ABCC6: variants seen among roughly 807,000 people sequenced by gnomAD.
ABCC6 encodes the protein ATP binding cassette subfamily C member 6.
Under a neutral mutation model 169.5 loss-of-function variants are expected in ABCC6, and 126 were observed. That is an observed-to-expected ratio of 0.74 (90% confidence interval 0.64 to 0.86). The LOEUF (loss-of-function observed/expected upper bound fraction) is 0.86, where lower values mean the gene tolerates loss of function less well. Ranked by LOEUF, ABCC6 falls within the 40% of genes least tolerant of loss-of-function variation. The pLI, the probability that ABCC6 is intolerant of heterozygous loss-of-function variation, is 0.00. For synonymous variants in ABCC6, 752 were observed against 814.7 expected, an observed-to-expected ratio of 0.92 and a Z score of 1.31; for missense variants, 1,733 against 1,927.2, an observed-to-expected ratio of 0.90 and a Z score of 1.89.
intron 22 of ABCC6, 69 bp downstream of exon 22, chr16:16,169,577 G>A (rs532231269): frequency 1.9e-5 from 30 of 1,553,296 alleles, no homozygotes; most frequent in South Asian, 1.7e-4. Flanking sequence ...GAGGGGTGGG[G>A]TAAAGGAGTC....
At position 16,159,504 on chromosome 16, in the gene ABCC6, T is replaced by G; in HGVS notation, c.3713A>C (p.Asp1238Ala). 6.2e-7 allele frequency: 1 copy of G among 1,613,880 alleles called. No homozygotes were observed. Among genetic ancestry groups the G allele is most frequent in the Non-Finnish European group, 8.5e-7 (1 of 1,179,956 alleles). Residue 1238 changes from aspartate (D) to alanine (A), a missense_variant, in exon 26 of 31, where the codon GAC becomes GCC. By Grantham distance (126) the Asp-to-Ala change is moderately radical. Transcript: ENST00000205557. Reference protein sequence around the residue: ...NSIVSVERMQDYAWTPKEAPW... With the variant: ...NSIVSVERMQAYAWTPKEAPW... The stretch of plus-strand genomic sequence containing the variant: ...CACCTCCTTGGGCGTCCAGGCATAG[T>G]CCTGCATCCGCTCCACTGACACGAT...
chr16:16,185,159 A>G (rs2047610931), intron 14 of ABCC6, 125 bp from the exon 15 acceptor site: 6 of 901,968 alleles, frequency 6.7e-6, no homozygotes, highest in African/African-American at 3.3e-5. Flanking sequence ...AATCTCTCCC[A>G]CTGAACAAAT....
At position 16,154,878 on chromosome 16, in the gene ABCC6, G is replaced by A. The variant is rs63751112; in HGVS notation, c.4036C>T (p.Pro1346Ser). 1.9e-6 allele frequency: 3 copies of A among 1,612,648 alleles called. No homozygotes were observed. Among genetic ancestry groups the A allele is most frequent in the Non-Finnish European group, 2.5e-6 (3 of 1,179,526 alleles). Reference protein sequence around the residue: ...HTLRSRISIIPQDPILFPGSL... With the variant: ...HTLRSRISIISQDPILFPGSL... ...ACCCCCTCCACCAGCCTCACCTGGG[G>A]GATGATGCTGATCCTGGAGCGCAGT... Residue 1346 changes from proline to serine, a missense_variant, in exon 28 of 31, where the codon CCC (proline) becomes TCC (serine). This residue lies in a region of ABCC6 where 1,601 missense variants were observed against 1,635.5 expected (regional missense o/e 0.98). Coordinates refer to ENST00000205557, the MANE Select transcript of ABCC6 (RefSeq NM_001171.6).
At position 16,208,651 on chromosome 16, in the gene ABCC6, C is replaced by G. The variant is rs559758883; in HGVS notation, c.794+77G>C. The G allele has an allele frequency of 8.1e-6, 13 of 1,610,244 alleles. No individual in the cohort carries two copies. In the Admixed American group the frequency reaches 2.2e-4, roughly 27 times the overall value. On this transcript the variant is annotated intron_variant, in intron 7 of 30. Coordinates refer to ENST00000205557, the MANE Select transcript of ABCC6 (RefSeq NM_001171.6). ...CCTCCCAAAATGCCGGGATTACAGTCGTGAGCCACCGCACCCGGCCAATGA... is the reference window on the plus strand; with the variant it reads ...CCTCCCAAAATGCCGGGATTACAGTGGTGAGCCACCGCACCCGGCCAATGA...
In ABCC6 at chr16:16,182,945, G is replaced by C; in HGVS notation, c.1944-15C>G. Reference sequence around the variant, plus strand: ...TGAGGTTTATTCTGGACACGCAAGAGGGGAGACATGACCTTGGTTAGGGTT... The same window carrying C: ...TGAGGTTTATTCTGGACACGCAAGACGGGAGACATGACCTTGGTTAGGGTT... On this transcript the variant is annotated splice_polypyrimidine_tract_variant and intron_variant, in intron 15 of 30. Transcript: ENST00000205557. The C allele has an allele frequency of 6.2e-7, 1 of 1,614,184 alleles. No homozygotes were observed.
At chr16:16,200,384 G>A (rs1159093843) in intron 9 of ABCC6, among the ~76,000 whole-genome samples, 1 of 148,852 alleles carries the variant, frequency 6.7e-6, no homozygotes, top group Non-Finnish European at 1.5e-5. Flanking sequence ...AGCCGGGACT[G>A]TGCCACTGCA....
In ABCC6 at chr16:16,182,422, A is replaced by AACTCTGCACC. The variant is rs770020252; in HGVS notation, c.2236_2237insGGTGCAGAGT (p.Ile746ArgfsTer36). 3.1e-6 allele frequency: 5 copies of AACTCTGCACC among 1,613,716 alleles called. No homozygotes were observed. Among genetic ancestry groups the AACTCTGCACC allele is most frequent in the Non-Finnish European group, 3.4e-6 (4 of 1,180,008 alleles). On this transcript the variant is annotated frameshift_variant, in exon 17 of 31. Coordinates refer to ENST00000205557, the MANE Select transcript of ABCC6 (RefSeq NM_001171.6). LOFTEE classifies it high-confidence loss of function. ...CCCCCAAACTCTCACCTGCTCCCCA[A>AACTCTGCACC]TTGAAGTGTGGATTCCCTCAGGGAA...
intron 29 of ABCC6, among the ~76,000 whole-genome samples, chr16:16,154,297 G>A (rs2046471936): frequency 6.6e-6 from 1 of 152,102 alleles, no homozygotes; most frequent in Admixed American, 6.5e-5. Flanking sequence ...GTCCCAGTGA[G>A]TGGTGAGGTT....
intron 8 of ABCC6, among the ~76,000 whole-genome samples, chr16:16,202,938 T>C (rs1288768164): frequency 6.6e-6 from 1 of 152,102 alleles, no homozygotes; most frequent in African/African-American, 2.4e-5. Context: ...GTCTATTTCT[T>C]AGAACCCTCC....
intron 10 of ABCC6, among the ~76,000 whole-genome samples, chr16:16,194,803 G>T (rs1032631322): frequency 8.5e-5 from 13 of 152,092 alleles, no homozygotes; most frequent in Admixed American, 3.9e-4. Flanking sequence ...TCCTGTCTCA[G>T]CCTCCTGAGT....
intron 27 of ABCC6, chr16:16,155,811 A>C (rs1166748728): frequency 3.9e-5 from 6 of 152,432 alleles, no homozygotes; most frequent in Non-Finnish European, 7.3e-5. Context: ...CACCGGAAGT[A>C]TAGAAATTAA....
intron 9 of ABCC6, among the ~76,000 whole-genome samples, chr16:16,198,524 T>C (rs1016642796): frequency 6.6e-6 from 1 of 152,034 alleles, no homozygotes; most frequent in African/African-American, 2.4e-5. Context: ...CAGCCATGAA[T>C]GGTACCAAGC....
chr16:16,165,798 A>G lies in ABCC6; in HGVS notation c.3131T>C (p.Leu1044Pro), dbSNP rs1421144885. 1 of 1,613,730 alleles carries G rather than the reference A, an allele frequency of 6.2e-7. No homozygotes were observed. The change falls in exon 23 of 31, where the codon CTG becomes CCG. Residue 1044 changes from leucine to proline, a missense_variant. By Grantham distance (98) the Leu-to-Pro change is moderately conservative (BLOSUM62 -3). Transcript: ENST00000205557. The stretch of plus-strand genomic sequence containing the variant: ...TGTCTCCTTGGAGAAGCGGTTTAGC[A>G]GGTGACCAATGGGTGTCCGCTCAAA... ...SFFERTPIGH[L>P]LNRFSKETDT...
At chr16:16,178,032 A>G (rs564012766) in intron 18 of ABCC6, among the ~76,000 whole-genome samples, 6 of 149,216 alleles carry the variant, frequency 4.0e-5, no homozygotes, top group African/African-American at 9.9e-5. Flanking sequence ...AAGAAAGAAA[A>G]AAAAAATGTA....
intron 24 of ABCC6, 111 bp downstream of exon 24, chr16:16,162,882 C>A: frequency 7.1e-7 from 1 of 1,407,552 alleles, no homozygotes; most frequent in East Asian, 2.3e-5. Context: ...CTAGCCTCAA[C>A]TATGTCCCTG....
At chr16:16,165,512 C>T in intron 23 of ABCC6, 111 bp downstream of exon 23, 1 of 1,150,122 alleles carries the variant, frequency 8.7e-7, no homozygotes, top group Non-Finnish European at 1.3e-6. Flanking sequence ...CTAGGAACAG[C>T]CCCTAGATGT....
Position 16,154,876 on chromosome 16 carries a change from G to T in ABCC6, c.4038C>A (p.Pro1346=). ...CCACCCCCTCCACCAGCCTCACCTGGGGGATGATGCTGATCCTGGAGCGCA... is the reference window on the plus strand; with the variant it reads ...CCACCCCCTCCACCAGCCTCACCTGTGGGATGATGCTGATCCTGGAGCGCA... ...HTLRSRISII[P]QDPILFPGSL... Residue 1346 remains proline, a synonymous_variant, in exon 28 of 31, where the codon CCC becomes CCA. Coordinates refer to ENST00000205557, the MANE Select transcript of ABCC6 (RefSeq NM_001171.6). The T allele has an allele frequency of 6.2e-7, 1 of 1,612,740 alleles. No homozygotes were observed. The highest frequency in any genetic ancestry group is 8.5e-7 in the Non-Finnish European group (1 of 1,179,502).
At chr16:16,194,392 C>T (rs1050884394) in intron 10 of ABCC6, among the ~76,000 whole-genome samples, 1 of 152,224 alleles carries the variant, frequency 6.6e-6, no homozygotes. Flanking sequence ...CTGAGAAATT[C>T]TTCCGTTTGT....
rs63751325 is a variant in ABCC6 at position 16,155,022 on chromosome 16, C to T, written c.3892G>A (p.Val1298Ile). The T allele has an allele frequency of 2.6e-4, 401 of 1,556,550 alleles. 2 individuals are homozygous for T. The highest frequency in any genetic ancestry group is 6.1e-4 in the African/African-American group (45 of 73,524). Residue 1298 changes from valine (V) to isoleucine (I), a missense_variant, in exon 28 of 31, where the codon GTT becomes ATT. Val to Ile is a conservative substitution (Grantham distance 29, BLOSUM62 3). Coordinates refer to ENST00000205557, the MANE Select transcript of ABCC6 (RefSeq NM_001171.6). ...GACTTCCCTGCCCCGGTCCTGCCAA[C>T]GATGCCCACCTGCCCGGGGTTGGGA... ...KIHAGEKVGIVGRTGAGKSSL... is the reference protein window; with the variant it reads ...KIHAGEKVGIIGRTGAGKSSL...
Sources: gnomAD v4.1 joint callset for allele counts (sites outside exome capture counted in the v4.1 genomes callset) on GRCh38, gnomAD v4.1.1 for gene constraint, gnomAD v4.1.1 regional missense constraint, MANE v1.5 for transcripts, NCBI Gene and HGNC (gene_info 2026-07-23, HGNC 2026-07-21) for gene names.